SLC38A10: variants seen among roughly 807,000 people sequenced by gnomAD.
SLC38A10 encodes the protein solute carrier family 38 member 10.
SLC38A10 carries 53 observed loss-of-function variants against 81.0 expected under a neutral mutation model. The ratio of observed to expected loss-of-function variants is 0.65; its 90% CI spans 0.53 to 0.82. SLC38A10 has a LOEUF of 0.82. SLC38A10 is among the 40% of genes least tolerant of loss of function. The pLI is 0.00. For missense variants in SLC38A10, 1,471 were observed against 1,545.0 expected, an observed-to-expected ratio of 0.95 and a Z score of 0.80; for synonymous variants, 665 against 655.3, an observed-to-expected ratio of 1.01 and a Z score of -0.23.
At position 81,245,494 on chromosome 17, in the gene SLC38A10, A is replaced by G; in HGVS notation, c.*62T>C. ...CCAGAGTTTGGCTGGGATGCGGCTG[A>G]GACAGACCTGCTGCTGGCCGAGGAG... On this transcript the variant is annotated 3_prime_UTR_variant, in exon 16 of 16. Transcript: ENST00000374759. 1 of 1,524,940 alleles carries G rather than the reference A, an allele frequency of 6.6e-7. No individual in the cohort carries two copies. Among genetic ancestry groups the G allele is most frequent in the Non-Finnish European group, 8.8e-7 (1 of 1,136,638 alleles). 94.5% of individuals were successfully genotyped at this position (1,524,940 alleles called of 1,614,324 possible). A position where few individuals can be genotyped will look rare whatever the true frequency, so the allele number is the denominator to read the frequency against.
At chr17:81,266,069 G>C (rs1205909375) in intron 10 of SLC38A10, among the ~76,000 whole-genome samples, 1 of 152,186 alleles carries the variant, frequency 6.6e-6, no homozygotes, top group South Asian at 2.1e-4. Context: ...CTGGGCTAAC[G>C]GGTAAACACT....
Position 81,282,419 on chromosome 17 carries a change from C to T in SLC38A10, c.358-87G>A, listed in dbSNP as rs374323676. 3.4e-4 allele frequency: 509 copies of T among 1,513,626 alleles called. 3 individuals are homozygous for T. In the African/African-American group the frequency reaches 5.8e-3, roughly 17 times the overall value. 93.8% of individuals were successfully genotyped at this position (1,513,626 alleles called of 1,614,324 possible). A position where few individuals can be genotyped will look rare whatever the true frequency, so the allele number is the denominator to read the frequency against. On this transcript the variant is annotated intron_variant, in intron 4 of 15. Transcript: ENST00000374759. ...GCACTGACAGGGAGTGGGAGCGCCC[C>T]GAGCCCGAAAGCCGACGGCATCCAG... is the stretch of plus-strand genomic sequence containing the variant.
At chr17:81,258,938 C>G (rs1023389521) in intron 11 of SLC38A10, among the ~76,000 whole-genome samples, 2 of 152,200 alleles carry the variant, frequency 1.3e-5, no homozygotes, top group African/African-American at 2.4e-5. Context: ...GGCAGGGCTC[C>G]CCTGCCCACC....
rs775176490 is a variant in SLC38A10 at position 81,252,399 on chromosome 17, G to A, written c.1741C>T (p.Pro581Ser). ...ACAGCTGGCTGACCATCTGCTTCTG[G>A]AACTTTCTGGGGATCTTCAGGAAGA... ...GDLPEDPQKV[P>S]EADGQPAVQP... Residue 581 changes from proline to serine, a missense_variant, in exon 13 of 16, where the codon CCA (proline) becomes TCA (serine). This residue lies in a region of SLC38A10 where 720 missense variants were observed against 827.7 expected (regional missense o/e 0.87). Transcript: ENST00000374759. 1 of 1,613,208 alleles carries A rather than the reference G, an allele frequency of 6.2e-7. No individual in the cohort carries two copies. The highest frequency in any genetic ancestry group is 1.1e-5 in the South Asian group (1 of 91,088).
intron 1 of SLC38A10, among the ~76,000 whole-genome samples, chr17:81,294,560 C>T (rs570696080): frequency 6.6e-6 from 1 of 152,238 alleles, no homozygotes; most frequent in African/African-American, 2.4e-5. Context: ...CTTTGTTACA[C>T]TTTGCTTCGG....
In SLC38A10 at chr17:81,246,866, A is replaced by G; in HGVS notation, c.2242+19T>C. On this transcript the variant is annotated intron_variant, in intron 15 of 15. Transcript: ENST00000374759. ...CCCCTGCCTGGCCCCACCCCACTCC[A>G]TCCGCCAGCCCGGCCTACCCTGCCT... is the stretch of plus-strand genomic sequence containing the variant. The G allele has an allele frequency of 6.4e-7, 1 of 1,568,484 alleles. No homozygotes were observed. Among genetic ancestry groups the G allele is most frequent in the Non-Finnish European group, 8.7e-7 (1 of 1,153,954 alleles).
intron 14 of SLC38A10, among the ~76,000 whole-genome samples, chr17:81,248,780 T>C (rs1465238244): frequency 6.6e-6 from 1 of 152,226 alleles, no homozygotes; most frequent in Non-Finnish European, 1.5e-5. Flanking sequence ...AACGCAGCCC[T>C]GGGCCTCGCC....
chr17:81,271,779 T>C (rs937117077), intron 9 of SLC38A10, among the ~76,000 whole-genome samples: 15 of 131,224 alleles, frequency 1.1e-4, no homozygotes, highest in South Asian at 2.4e-4. Flanking sequence ...TTGGCTGGAG[T>C]GTAGTGGAGC....
At chr17:81,251,384 G>T (rs370290548) in intron 14 of SLC38A10, 109 bp downstream of exon 14, 124 of 1,612,434 alleles carry the variant, frequency 7.7e-5, no homozygotes, top group Non-Finnish European at 1.0e-4. Flanking sequence ...GAAAGAGAAG[G>T]GGGGCCTGGC....
At chr17:81,250,210 A>G in intron 14 of SLC38A10, 1 of 1,033,518 alleles carries the variant, frequency 9.7e-7, no homozygotes, top group Non-Finnish European at 1.3e-6. Flanking sequence ...AGAGCATAGG[A>G]ATTGGAACCA....
chr17:81,260,441 C>A (rs73358122), intron 10 of SLC38A10, 47 bp from the exon 11 acceptor site: 13 of 1,569,740 alleles, frequency 8.3e-6, no homozygotes, highest in Non-Finnish European at 1.0e-5. Flanking sequence ...CTGGCCCCCG[C>A]CCCTGCCCAG....
At chr17:81,278,538 C>T (rs577709316) in intron 6 of SLC38A10, among the ~76,000 whole-genome samples, 1 of 152,302 alleles carries the variant, frequency 6.6e-6, no homozygotes, top group East Asian at 1.9e-4. Flanking sequence ...GGACATGAGC[C>T]TTCCCCTCGG....
At position 81,295,046 on chromosome 17, in the gene SLC38A10, T is replaced by G; in HGVS notation, c.-125A>C. 1 of 1,337,944 alleles carries G rather than the reference T, an allele frequency of 7.5e-7. No homozygotes were observed. Among genetic ancestry groups the G allele is most frequent in the East Asian group, 3.2e-5 (1 of 30,978 alleles). 82.9% of individuals were successfully genotyped at this position (1,337,944 alleles called of 1,614,324 possible). On this transcript the variant is annotated 5_prime_UTR_variant, in exon 1 of 16. Coordinates refer to ENST00000374759, the MANE Select transcript of SLC38A10 (RefSeq NM_001037984.3). ...GTCCGGGACGCCGGTGGGGAGGGGA[T>G]GGGCAGCCTGAACACGGGAGCCTGA... is the stretch of plus-strand genomic sequence containing the variant.
At chr17:81,249,979 C>G in intron 14 of SLC38A10, 2 of 1,182,730 alleles carry the variant, frequency 1.7e-6, no homozygotes, top group South Asian at 1.3e-5. Flanking sequence ...CAGGGCTGTC[C>G]CTGGGGCAGG....
At chr17:81,259,721 C>G (rs954737682) in intron 11 of SLC38A10, among the ~76,000 whole-genome samples, 3 of 152,160 alleles carry the variant, frequency 2.0e-5, no homozygotes, top group East Asian at 3.8e-4. Flanking sequence ...GACGGAGGGT[C>G]GAGGTTACAG....
At chr17:81,278,838 A>T (rs2146939764) in intron 6 of SLC38A10, among the ~76,000 whole-genome samples, 1 of 152,284 alleles carries the variant, frequency 6.6e-6, no homozygotes, top group Non-Finnish European at 1.5e-5. Flanking sequence ...AGCCACGGAC[A>T]CTGTGGGAAG....
rs749205968 is a variant in SLC38A10 at position 81,289,806 on chromosome 17, G to A, written c.102C>T (p.Cys34=). The A allele has an allele frequency of 1.3e-5, 21 of 1,591,806 alleles. No individual in the cohort carries two copies. The highest frequency in any genetic ancestry group is 2.1e-4 in the Middle Eastern group (1 of 4,870). The change falls in exon 2 of 16, where the codon TGC becomes TGT. Residue 34 remains cysteine, a splice_region_variant and synonymous_variant. Coordinates refer to ENST00000374759, the MANE Select transcript of SLC38A10 (RefSeq NM_001037984.3). This position sits in a 1 kb window ranked among gnomAD's most constrained non-coding sequence, Gnocchi z 5.9. ...VLTMPFCFKQ[C]GIVLGALLLV... is the part of the protein sequence containing the mutation. ...AGAGCAGCGCCCCCAGGACGATGCC[G>A]CACTGCAGGGTGGAGACAGGAACAC... is the stretch of plus-strand genomic sequence containing the variant.
At position 81,270,854 on chromosome 17, in the gene SLC38A10, C is replaced by T; in HGVS notation, c.1131+64G>A. 2 of 1,423,350 alleles carry T rather than the reference C, an allele frequency of 1.4e-6. No individual in the cohort carries two copies. Among genetic ancestry groups the T allele is most frequent in the Non-Finnish European group, 2.0e-6 (2 of 1,012,150 alleles). 88.2% of individuals were successfully genotyped at this position (1,423,350 alleles called of 1,614,324 possible). A position where few individuals can be genotyped will look rare whatever the true frequency, so the allele number is the denominator to read the frequency against. On this transcript the variant is annotated intron_variant, in intron 10 of 15. Transcript: ENST00000374759. This position sits in a 1 kb window ranked among gnomAD's most constrained non-coding sequence, Gnocchi z 4.0. Reference sequence around the variant, plus strand: ...CGCTGAACCAGGGGCTTCCTCCCGCCTCCACCTCTCCCCAGCCCAGACCCA... The same window carrying T: ...CGCTGAACCAGGGGCTTCCTCCCGCTTCCACCTCTCCCCAGCCCAGACCCA...
chr17:81,272,212 A>T (rs1402606718), intron 9 of SLC38A10, among the ~76,000 whole-genome samples: 1 of 151,978 alleles, frequency 6.6e-6, no homozygotes, highest in African/African-American at 2.4e-5. Flanking sequence ...TTGTATTTTT[A>T]GTAGAGACGG....
Sources: allele counts gnomAD v4.1 joint callset (sites outside exome capture counted in the v4.1 genomes callset), GRCh38; gene constraint gnomAD v4.1.1; regional missense constraint gnomAD v4.1.1; non-coding constraint Gnocchi (gnomAD v3.1); transcripts MANE v1.5; gene names NCBI Gene and HGNC (gene_info 2026-07-23, HGNC 2026-07-21).